Variants in SIK3 observed in about 807,000 individuals in gnomAD.
SIK3 encodes the protein serine/threonine-protein kinase SIK3.
Under a neutral mutation model 144.2 loss-of-function variants are expected in SIK3, and 28 were observed. That is an observed-to-expected ratio of 0.19 (90% CI 0.14 to 0.27). SIK3 has a LOEUF of 0.27. SIK3 is among the 10% of genes least tolerant of loss of function. SIK3 has a pLI of 1.00. For synonymous variants in SIK3, 686 were observed against 676.3 expected (o/e 1.01, Z -0.22); for missense variants, 1,319 against 1,776.0 (o/e 0.74, Z 4.62).
At chr11:117,077,800 A>G (rs574232879) in intron 1 of SIK3, among the ~76,000 whole-genome samples, 1 of 152,352 alleles carries the variant, frequency 6.6e-6, no homozygotes, top group Non-Finnish European at 1.5e-5. Flanking sequence ...CTGTAAGTCA[A>G]CTATTCTGCT....
In SIK3 at chr11:116,876,250, T is replaced by TGGAGTGGAC; in HGVS notation, c.1095+2_1095+3insGTCCACTCC. ...ACTTTGTTCTCCACTCCTTCGGAGA[T>TGGAGTGGAC]ACCTGCAGTGTCTGTTCTTTGTCCA... On this transcript the variant is annotated splice_region_variant and intron_variant, in intron 8 of 24. Transcript: ENST00000445177. The TGGAGTGGAC allele has an allele frequency of 6.2e-7, 1 of 1,612,760 alleles. No homozygotes were observed. Among genetic ancestry groups the TGGAGTGGAC allele is most frequent in the Non-Finnish European group, 8.5e-7 (1 of 1,178,788 alleles).
chr11:116,847,683 C>T (rs1942088293), intron 22 of SIK3, 75 bp from the exon 23 acceptor site: 16 of 1,592,032 alleles, frequency 1.0e-5, no homozygotes, highest in Non-Finnish European at 1.4e-5. Context: ...ACAGCTGGTC[C>T]TTCTGAAGGA....
intron 15 of SIK3, 27 bp from the exon 16 acceptor site, chr11:116,863,845 A>G: frequency 6.4e-7 from 1 of 1,563,294 alleles, no homozygotes; most frequent in Non-Finnish European, 8.7e-7. Flanking sequence ...AGAAGGTTAG[A>G]GGCTAGGACT....
At chr11:117,071,193 A>AT (rs918159360) in intron 1 of SIK3, among the ~76,000 whole-genome samples, 4 of 127,628 alleles carry the variant, frequency 3.1e-5, no homozygotes, top group African/African-American at 8.3e-5. Context: ...ATTGCAAAAA[A>AT]AAAAAAAATA....
chr11:117,076,513 G>T (rs972851776), intron 1 of SIK3, among the ~76,000 whole-genome samples: 1 of 151,786 alleles, frequency 6.6e-6, no homozygotes, highest in African/African-American at 2.4e-5. Context: ...AATTTTAAAT[G>T]ATATTGCCTT....
chr11:116,998,197 G>A (rs1331894552), intron 1 of SIK3, among the ~76,000 whole-genome samples: 3 of 151,296 alleles, frequency 2.0e-5, no homozygotes, highest in Admixed American at 1.3e-4. Flanking sequence ...CAATATGCAA[G>A]GAAAGAAAAG....
intron 1 of SIK3, among the ~76,000 whole-genome samples, chr11:117,013,212 C>G (rs1378977059): frequency 6.6e-6 from 1 of 152,108 alleles, no homozygotes; most frequent in South Asian, 2.1e-4. Context: ...TGTATAAGGT[C>G]AGGCACAGTG....
At position 117,021,928 on chromosome 11, in the gene SIK3, CAAAAAAAAAAAAAAAAA is replaced by C. The variant is rs71037444; in HGVS notation, c.274-64881_274-64865del. ...ATAGCACAGTGAGCCTCTGTCTCTACAAAAAAAAAAAAAAAAAAAAAAAAAAAAAAAAACCTAAAAAT... is the reference window on the plus strand; with the variant it reads ...ATAGCACAGTGAGCCTCTGTCTCTACAAAAAAAAAAAAAAAACCTAAAAAT... On this transcript the variant is annotated intron_variant, in intron 1 of 24. Coordinates refer to ENST00000445177, the MANE Select transcript of SIK3 (RefSeq NM_001366686.3). Among the ~76,000 whole-genome samples the C allele has an allele frequency of 6.8e-4, 40 of 59,012 alleles. 2 individuals carry two copies. The highest frequency in any genetic ancestry group is 0.02 in the Middle Eastern group (2 of 98). 38.7% of individuals were successfully genotyped at this position (59,012 alleles called of 152,430 possible). A position where few individuals can be genotyped will look rare whatever the true frequency, so the allele number is the denominator to read the frequency against.
At chr11:116,950,912 C>T (rs922219060) in intron 3 of SIK3, among the ~76,000 whole-genome samples, 4 of 152,114 alleles carry the variant, frequency 2.6e-5, no homozygotes, top group African/African-American at 9.7e-5. Flanking sequence ...GGACGATTTC[C>T]AGAGACTTTA....
In SIK3 at chr11:116,858,290, G is replaced by C; in HGVS notation, c.3175C>G (p.Gln1059Glu). The change falls in exon 21 of 25, where the codon CAA becomes GAA. Residue 1059 changes from glutamine (Q) to glutamate (E), a missense_variant. Physicochemically the swap from Gln to Glu is conservative, Grantham distance 29. Transcript: ENST00000445177. The surrounding 1 kb of genome is among the most constrained non-coding windows in gnomAD (Gnocchi z 5.4). ...AACAGTTCCTGGTATTCTTGCTGTT[G>C]CTGCTGTTGCTGCTGCTGCTGCCGT... ...QQRQQQQQQQ[Q>E]QQEYQELFRH... is the part of the protein sequence containing the mutation. The C allele has an allele frequency of 6.2e-7, 1 of 1,610,844 alleles. No individual in the cohort carries two copies. The highest frequency in any genetic ancestry group is 8.5e-7 in the Non-Finnish European group (1 of 1,179,096).
chr11:116,947,159 T>TATATAAATTATTTATATATAATATATA (rs1565486843), intron 3 of SIK3, among the ~76,000 whole-genome samples: 7 of 46,264 alleles, frequency 1.5e-4, no homozygotes, highest in African/African-American at 6.0e-4. Flanking sequence ...TATAATATAT[T>TATATAAATTATTTATATATAATATATA]ATATATAAAT....
chr11:116,868,199 C>T (rs1279057728), intron 14 of SIK3, 110 bp from the exon 15 acceptor site: 1 of 1,384,296 alleles, frequency 7.2e-7, no homozygotes, highest in East Asian at 2.5e-5. Context: ...TGCCAGAGCT[C>T]ACGAAGGCTT....
chr11:117,074,990 T>C (rs1419719928), intron 1 of SIK3, among the ~76,000 whole-genome samples: 1 of 151,962 alleles, frequency 6.6e-6, no homozygotes, highest in African/African-American at 2.4e-5. Context: ...CATCCTTTCA[T>C]TGGAATACCA....
chr11:116,992,076 C>A (rs1450301193), intron 1 of SIK3, among the ~76,000 whole-genome samples: 1 of 152,136 alleles, frequency 6.6e-6, no homozygotes, highest in East Asian at 1.9e-4. Context: ...GGAATCTCAG[C>A]ACTTTCGGAG....
intron 1 of SIK3, among the ~76,000 whole-genome samples, chr11:117,089,864 A>G (rs1306134121): frequency 6.6e-6 from 1 of 152,208 alleles, no homozygotes; most frequent in Non-Finnish European, 1.5e-5. Context: ...AAATGTGGCT[A>G]AGTATTCACA....
chr11:116,971,713 G>A (rs1036460962), intron 1 of SIK3, among the ~76,000 whole-genome samples: 1 of 152,068 alleles, frequency 6.6e-6, no homozygotes, highest in African/African-American at 2.4e-5. Flanking sequence ...CATTTCATCT[G>A]TAACTACTTC....
intron 1 of SIK3, among the ~76,000 whole-genome samples, chr11:117,045,610 T>C (rs914763900): frequency 6.6e-6 from 1 of 152,238 alleles, no homozygotes; most frequent in Admixed American, 6.5e-5. Flanking sequence ...TTACTAATCC[T>C]GTGTAGTATT....
At chr11:116,917,164 G>A (rs1044865049) in intron 4 of SIK3, among the ~76,000 whole-genome samples, 2 of 151,940 alleles carry the variant, frequency 1.3e-5, no homozygotes, top group African/African-American at 4.8e-5. Context: ...CTCAGAATCA[G>A]AGTGAAGGAG....
intron 3 of SIK3, among the ~76,000 whole-genome samples, chr11:116,950,449 G>A (rs559221558): frequency 6.6e-6 from 1 of 152,310 alleles, no homozygotes; most frequent in African/African-American, 2.4e-5. Flanking sequence ...GAGAAATCAG[G>A]AGAAAGAGAT....
Sources: allele counts gnomAD v4.1 joint callset (sites outside exome capture counted in the v4.1 genomes callset), GRCh38; gene constraint gnomAD v4.1.1; non-coding constraint Gnocchi (gnomAD v3.1); transcripts MANE v1.5; gene names NCBI Gene and HGNC (gene_info 2026-07-23, HGNC 2026-07-21).